Variants in KCNMB4 observed in about 807,000 individuals in gnomAD.
The protein encoded by KCNMB4 is calcium-activated potassium channel subunit beta-4.
Under a neutral mutation model 20.7 loss-of-function variants are expected in KCNMB4, and 3 were observed. That is an observed-to-expected ratio of 0.14 (90% CI 0.07 to 0.37). The LOEUF is 0.37. Ranked by LOEUF, KCNMB4 falls within the 10% of genes least tolerant of loss-of-function variation. KCNMB4 has a pLI of 1.00. For missense variants in KCNMB4, 168 were observed against 265.9 expected (o/e 0.63, Z 2.56); for synonymous variants, 110 against 113.4 (o/e 0.97, Z 0.19).
chr12:70,433,250 T>C lies in KCNMB4; in HGVS notation c.*2597T>C, dbSNP rs1869414691. ...TAAATCAGAAAATGATCTAAACTGCTGTAACAAAGAGACCCCAAAATATGA... is the reference window on the plus strand; with the variant it reads ...TAAATCAGAAAATGATCTAAACTGCCGTAACAAAGAGACCCCAAAATATGA... On this transcript the variant is annotated 3_prime_UTR_variant, in exon 3 of 3. Coordinates refer to ENST00000258111, the MANE Select transcript of KCNMB4 (RefSeq NM_014505.6). The C allele has an allele frequency of 6.6e-6, 1 of 152,218 alleles. No individual in the cohort carries two copies. Among genetic ancestry groups the C allele is most frequent in the African/African-American group, 2.4e-5 (1 of 41,466 alleles). The allele number at this position is 152,218 out of a possible 1,614,324, so 9.4% of individuals were successfully genotyped here.
intron 1 of KCNMB4, among the ~76,000 whole-genome samples, chr12:70,382,578 G>T (rs928946983): frequency 5.9e-5 from 9 of 151,788 alleles, no homozygotes; most frequent in Non-Finnish European, 8.8e-5. Flanking sequence ...AGCAAGGACA[G>T]AAATCATAAA....
At chr12:70,405,718 A>C (rs1305810417) in intron 2 of KCNMB4, among the ~76,000 whole-genome samples, 1 of 152,204 alleles carries the variant, frequency 6.6e-6, no homozygotes, top group African/African-American at 2.4e-5. Context: ...AGCAGTATTC[A>C]CAATAGCCAA....
chr12:70,414,750 TA>T (rs941297638), intron 2 of KCNMB4, among the ~76,000 whole-genome samples: 1 of 152,220 alleles, frequency 6.6e-6, no homozygotes, highest in African/African-American at 2.4e-5. Flanking sequence ...TGCTCTTTAT[TA>T]AAGCAGGTTC....
intron 1 of KCNMB4, 80 bp downstream of exon 1, chr12:70,367,150 G>A: frequency 2.5e-6 from 3 of 1,185,414 alleles, no homozygotes; most frequent in Non-Finnish European, 3.5e-6. Flanking sequence ...CGCGCGGGGA[G>A]GGTTCGGCGT....
chr12:70,400,135 C>G, intron 1 of KCNMB4, 74 bp from the exon 2 acceptor site: 1 of 1,173,842 alleles, frequency 8.5e-7, no homozygotes, highest in East Asian at 2.7e-5. Flanking sequence ...ATAATGCCAT[C>G]TTTCTATAAA....
chr12:70,402,630 G>A lies in KCNMB4; in HGVS notation c.464+2294G>A, dbSNP rs1277842280. On this transcript the variant is annotated intron_variant, in intron 2 of 2. Transcript: ENST00000258111. Reference sequence around the variant, plus strand: ...TGATCACACCACTGCACTTTAGCCTGGGTGACAAAATGAGACCCTGCCTCA... The same window carrying A: ...TGATCACACCACTGCACTTTAGCCTAGGTGACAAAATGAGACCCTGCCTCA... 2.8e-5 allele frequency among the ~76,000 whole-genome samples: 4 copies of A among 143,628 alleles called. No homozygotes were observed. The East Asian group carries it at 8.1e-4, about 29-fold the overall frequency. 94.2% of individuals were successfully genotyped at this position (143,628 alleles called of 152,430 possible). A position where few individuals can be genotyped will look rare whatever the true frequency, so the allele number is the denominator to read the frequency against.
chr12:70,395,718 C>G (rs1304932481), intron 1 of KCNMB4, among the ~76,000 whole-genome samples: 6 of 152,034 alleles, frequency 3.9e-5, no homozygotes, highest in African/African-American at 1.4e-4. Flanking sequence ...TGCAAAAGTT[C>G]AAAAAATCTT....
chr12:70,394,872 G>T (rs1868337648), intron 1 of KCNMB4, among the ~76,000 whole-genome samples: 1 of 151,998 alleles, frequency 6.6e-6, no homozygotes, highest in Admixed American at 6.6e-5. Flanking sequence ...TCACTTTGTT[G>T]CCCAGTGTGG....
intron 1 of KCNMB4, among the ~76,000 whole-genome samples, chr12:70,368,205 ATATATT>A (rs1314070221): frequency 3.3e-5 from 5 of 152,182 alleles, no homozygotes; most frequent in East Asian, 1.9e-4. Flanking sequence ...CTCTAACAAG[ATATATT>A]TATATTAATC....
Position 70,434,247 on chromosome 12 carries a change from T to G in KCNMB4, c.*3594T>G, listed in dbSNP as rs868383438. 1 of 152,134 alleles carries G rather than the reference T, an allele frequency of 6.6e-6. No homozygotes were observed. Among genetic ancestry groups the G allele is most frequent in the African/African-American group, 2.4e-5 (1 of 41,424 alleles). The allele number at this position is 152,134 out of a possible 1,614,324, so 9.4% of individuals were successfully genotyped here. On this transcript the variant is annotated 3_prime_UTR_variant, in exon 3 of 3. Coordinates refer to ENST00000258111, the MANE Select transcript of KCNMB4 (RefSeq NM_014505.6). ...GACCCTCCTGGGAGCCTGCCCTATC[T>G]CCCTGGAAAGTCTCAGTATGTGAGT...
rs1593352805 is a variant in KCNMB4 at position 70,431,303 on chromosome 12, A to G, written c.*650A>G. 6.6e-6 allele frequency: 1 copy of G among 152,046 alleles called. No homozygotes were observed. The highest frequency in any genetic ancestry group is 1.5e-5 in the Non-Finnish European group (1 of 67,996). 9.4% of individuals were successfully genotyped at this position (152,046 alleles called of 1,614,324 possible). On this transcript the variant is annotated 3_prime_UTR_variant, in exon 3 of 3. Coordinates refer to ENST00000258111, the MANE Select transcript of KCNMB4 (RefSeq NM_014505.6). The stretch of plus-strand genomic sequence containing the variant: ...AGATTGGGAAAACATATCCTCCAAC[A>G]CCTGCCTTTGCCTAACCATTATTTT...
intron 1 of KCNMB4, among the ~76,000 whole-genome samples, chr12:70,377,890 A>G (rs1012987642): frequency 1.3e-5 from 2 of 151,830 alleles, no homozygotes; most frequent in Admixed American, 6.5e-5. Flanking sequence ...AAATTTTATC[A>G]TGGGATTCCA....
chr12:70,393,053 C>G (rs1432422499), intron 1 of KCNMB4, among the ~76,000 whole-genome samples: 1 of 152,048 alleles, frequency 6.6e-6, no homozygotes, highest in Non-Finnish European at 1.5e-5. Flanking sequence ...AGTTATTAAA[C>G]AAATGTTTAT....
At position 70,382,432 on chromosome 12, in the gene KCNMB4, CAAAA is replaced by C. The variant is rs397796979; in HGVS notation, c.336+15384_336+15387del. ...TGGGCGACAGAACGAGACTCCGTCT[CAAAA>C]AAAAAAAAAAAAAAAAAAAAATTTA... On this transcript the variant is annotated intron_variant, in intron 1 of 2. Transcript: ENST00000258111. Among the ~76,000 whole-genome samples, 563 of 87,946 alleles carry C rather than the reference CAAAA, an allele frequency of 6.4e-3. 1 individual carries two copies. Among genetic ancestry groups the C allele is most frequent in the African/African-American group, 0.012 (272 of 23,218 alleles). The allele number at this position is 87,946 out of a possible 152,430, so 57.7% of individuals were successfully genotyped here. A position where few individuals can be genotyped will look rare whatever the true frequency, so the allele number is the denominator to read the frequency against.
At chr12:70,403,169 A>G (rs963114587) in intron 2 of KCNMB4, among the ~76,000 whole-genome samples, 4 of 139,790 alleles carry the variant, frequency 2.9e-5, no homozygotes, top group Admixed American at 1.5e-4. Context: ...CCCATATTCC[A>G]TAGTCATCGT....
chr12:70,386,848 A>G (rs370177174), intron 1 of KCNMB4, among the ~76,000 whole-genome samples: 21 of 152,338 alleles, frequency 1.4e-4, no homozygotes, highest in African/African-American at 5.1e-4. Context: ...TGCAGTGAGC[A>G]TTCAAAAGAA....
At chr12:70,404,203 A>G (rs533697350) in intron 2 of KCNMB4, among the ~76,000 whole-genome samples, 17 of 152,328 alleles carry the variant, frequency 1.1e-4, no homozygotes, top group Admixed American at 7.2e-4. Context: ...GTGTCAAACT[A>G]AAGAGATTCT....
At chr12:70,372,480 G>A (rs894702242) in intron 1 of KCNMB4, among the ~76,000 whole-genome samples, 1 of 152,220 alleles carries the variant, frequency 6.6e-6, no homozygotes, top group Non-Finnish European at 1.5e-5. Flanking sequence ...GATGGTGGTG[G>A]CTTAGATCAG....
At chr12:70,403,435 T>C (rs1263278843) in intron 2 of KCNMB4, among the ~76,000 whole-genome samples, 3 of 152,060 alleles carry the variant, frequency 2.0e-5, no homozygotes. Flanking sequence ...CAGGTTCAAG[T>C]GATTCTCCTG....
Sources: allele counts gnomAD v4.1 joint callset (sites outside exome capture counted in the v4.1 genomes callset), GRCh38; gene constraint gnomAD v4.1.1; transcripts MANE v1.5; gene names NCBI Gene and HGNC (gene_info 2026-07-23, HGNC 2026-07-21).